KDM2B: variants seen among roughly 807,000 people sequenced by gnomAD.
KDM2B encodes the protein lysine demethylase 2B.
A neutral mutation model predicts 150.0 loss-of-function variants in KDM2B; 26 were observed. The observed-to-expected ratio is 0.17, with a 90% CI of 0.13 to 0.24. The LOEUF (loss-of-function observed/expected upper bound fraction) is 0.24, where lower values mean the gene tolerates loss of function less well. KDM2B is among the 10% of genes least tolerant of loss of function. KDM2B has a pLI of 1.00. For missense variants in KDM2B, 1,265 were observed against 1,816.9 expected (o/e 0.70, Z 5.52); for synonymous variants, 734 against 729.5 (o/e 1.01, Z -0.10).
intron 6 of KDM2B, among the ~76,000 whole-genome samples, 184 bp downstream of exon 6, chr12:121,548,693 C>A (rs148764970): frequency 6.6e-6 from 1 of 152,206 alleles, no homozygotes; most frequent in Non-Finnish European, 1.5e-5. Flanking sequence ...AACCTGCACA[C>A]GCGAAGGACC....
the KDM2B span, among the ~76,000 whole-genome samples, chr12:121,419,396 C>T: frequency 4.4e-4 from 67 of 152,340 alleles, no homozygotes; most frequent in South Asian, 1.0e-3. Flanking sequence ...CGTCAAGCAA[C>T]ACATACTGTA....
At position 121,465,812 on chromosome 12, in the gene KDM2B, T is replaced by G. The variant is rs75931430; in HGVS notation, c.1735-12468A>C. Reference sequence around the variant, plus strand: ...CAGAAATGGCAAACTGTCGCAGGATTAAGTAGACTCCAAACTGAAATGAAA... The same window carrying G: ...CAGAAATGGCAAACTGTCGCAGGATGAAGTAGACTCCAAACTGAAATGAAA... On this transcript the variant is annotated intron_variant, in intron 12 of 22. Transcript: ENST00000377071. 4.4e-3 allele frequency among the ~76,000 whole-genome samples: 663 copies of G among 152,298 alleles called. 5 individuals carry two copies. The highest frequency in any genetic ancestry group is 0.015 in the African/African-American group (620 of 41,564).
At chr12:121,472,945 G>C (rs1880925654) in intron 12 of KDM2B, among the ~76,000 whole-genome samples, 1 of 151,820 alleles carries the variant, frequency 6.6e-6, no homozygotes, top group Admixed American at 6.6e-5. Context: ...TTTATAACAA[G>C]ATAAAATCTC....
the KDM2B span, chr12:121,420,819 T>G: frequency 6.7e-7 from 1 of 1,493,880 alleles, no homozygotes; most frequent in Non-Finnish European, 9.3e-7. Context: ...GTATTTTTCC[T>G]TAGGCTTTTA....
At chr12:121,426,644 T>A (rs923487590), downstream of KDM2B, among the ~76,000 whole-genome samples, 41 of 126,294 alleles carry the variant, frequency 3.2e-4, no homozygotes, top group African/African-American at 5.5e-4. Flanking sequence ...TTTTTTTTTT[T>A]AGACAGAGTC....
intron 6 of KDM2B, among the ~76,000 whole-genome samples, chr12:121,544,368 T>C (rs1268977551): frequency 6.6e-6 from 1 of 152,134 alleles, no homozygotes; most frequent in Non-Finnish European, 1.5e-5. Flanking sequence ...CCCTGCACTT[T>C]GGGAAGCCAA....
At chr12:121,428,051 C>A (rs782500378), downstream of KDM2B, among the ~76,000 whole-genome samples, 9 of 152,168 alleles carry the variant, frequency 5.9e-5, no homozygotes, top group Non-Finnish European at 1.2e-4. Flanking sequence ...ATCAGGCTTA[C>A]AAAAGAAAGT....
At chr12:121,530,573 C>T (rs1201291296) in intron 8 of KDM2B, among the ~76,000 whole-genome samples, 1 of 134,770 alleles carries the variant, frequency 7.4e-6, no homozygotes, top group African/African-American at 2.7e-5. Flanking sequence ...CAAATTCCAA[C>T]TGTCCCTTTT....
intron 19 of KDM2B, 54 bp from the exon 20 acceptor site, chr12:121,441,287 GC>G: frequency 1.9e-6 from 3 of 1,562,670 alleles, no homozygotes; most frequent in South Asian, 2.3e-5. Flanking sequence ...CCTCTAGGGA[GC>G]CCACACACAG....
the KDM2B span, among the ~76,000 whole-genome samples, chr12:121,412,891 A>C: frequency 8.8e-5 from 13 of 147,908 alleles, no homozygotes; most frequent in Admixed American, 4.7e-4. Context: ...CTATTTTTGT[A>C]TTTTTAGTAG....
In KDM2B at chr12:121,543,522, T is replaced by A. The variant is rs116567010; in HGVS notation, c.683+5355A>T. Among the ~76,000 whole-genome samples, 1,250 of 151,550 alleles carry A rather than the reference T, an allele frequency of 8.2e-3. 7 individuals are homozygous for A. The highest frequency in any genetic ancestry group is 0.015 in the Admixed American group (225 of 15,162). On this transcript the variant is annotated intron_variant, in intron 6 of 22. Coordinates refer to ENST00000377071, the MANE Select transcript of KDM2B (RefSeq NM_032590.5). Reference sequence around the variant, plus strand: ...CCATCTCTACAAATTTAAAAAAAAATTTTTTAATTTTTAAAAAGATCAGCC... The same window carrying A: ...CCATCTCTACAAATTTAAAAAAAAAATTTTTAATTTTTAAAAAGATCAGCC...
At position 121,549,556 on chromosome 12, in the gene KDM2B, G is replaced by A. The variant is rs782376095; in HGVS notation, c.480C>T (p.Tyr160=). 1.6e-5 allele frequency: 26 copies of A among 1,613,482 alleles called. No homozygotes were observed. The highest frequency in any genetic ancestry group is 3.3e-4 in the Middle Eastern group (2 of 6,080). The change falls in exon 5 of 23, where the codon TAC becomes TAT. Residue 160 remains tyrosine, a synonymous_variant. Coordinates refer to ENST00000377071, the MANE Select transcript of KDM2B (RefSeq NM_032590.5). The surrounding 1 kb of genome is among the most constrained non-coding windows in gnomAD (Gnocchi z 4.4). ...EMSMSQFVRY[Y]ETPEAQRDKL... Reference sequence around the variant, plus strand: ...TGTCCCGCTGGGCCTCGGGCGTCTCGTAGTAACGCACAAACTGGGACATGC... The same window carrying A: ...TGTCCCGCTGGGCCTCGGGCGTCTCATAGTAACGCACAAACTGGGACATGC...
intron 12 of KDM2B, among the ~76,000 whole-genome samples, chr12:121,466,929 C>G (rs1880067086): frequency 6.8e-6 from 1 of 147,578 alleles, no homozygotes; most frequent in Non-Finnish European, 1.5e-5. Context: ...CCGATGGCCC[C>G]CAGTGCGCTC....
At position 121,442,660 on chromosome 12, in the gene KDM2B, C is replaced by G; in HGVS notation, c.2781G>C (p.Pro927=). The G allele has an allele frequency of 6.2e-7, 1 of 1,605,356 alleles. No individual in the cohort carries two copies. Among genetic ancestry groups the G allele is most frequent in the Non-Finnish European group, 8.5e-7 (1 of 1,177,762 alleles). The part of the protein sequence containing the change: ...AGPSTEGAEG[P]EEKKKVKMRR... ...GCATCTTCACCTTCTTCTTCTCCTC[C>G]GGGCCCTCGGCCCCTTCGGTGCTGG... The change falls in exon 19 of 23, where the codon CCG becomes CCC. Residue 927 remains proline, a synonymous_variant. Coordinates refer to ENST00000377071, the MANE Select transcript of KDM2B (RefSeq NM_032590.5). This position sits in a 1 kb window ranked among gnomAD's most constrained non-coding sequence, Gnocchi z 7.7.
At chr12:121,568,058 A>G (rs2136387680) in intron 4 of KDM2B, among the ~76,000 whole-genome samples, 1 of 152,156 alleles carries the variant, frequency 6.6e-6, no homozygotes, top group East Asian at 1.9e-4. Flanking sequence ...TGAAGCCCCC[A>G]TCTGTGGTAC....
At chr12:121,546,095 A>G (rs1212253534) in intron 6 of KDM2B, among the ~76,000 whole-genome samples, 1 of 152,064 alleles carries the variant, frequency 6.6e-6, no homozygotes, top group Non-Finnish European at 1.5e-5. Flanking sequence ...TATTTCTGTG[A>G]TTACTGGATT....
chr12:121,510,126 T>G, intron 10 of KDM2B, 87 bp from the exon 11 acceptor site: 1 of 1,156,938 alleles, frequency 8.6e-7, no homozygotes, highest in Non-Finnish European at 1.2e-6. Flanking sequence ...AAAAGTCCCC[T>G]TTACTCCAGA....
At chr12:121,524,942 A>C in intron 8 of KDM2B, 1 of 253,368 alleles carries the variant, frequency 3.9e-6, no homozygotes, top group African/African-American at 2.2e-5. Flanking sequence ...GCTCACCCAC[A>C]ACCTGAGCGT....
At chr12:121,531,540 C>A (rs918709732) in intron 8 of KDM2B, among the ~76,000 whole-genome samples, 3 of 152,214 alleles carry the variant, frequency 2.0e-5, no homozygotes, top group Admixed American at 6.5e-5. Context: ...TCCATATCTA[C>A]TTTCTACTTG....
Sources: allele counts gnomAD v4.1 joint callset (sites outside exome capture counted in the v4.1 genomes callset), GRCh38; gene constraint gnomAD v4.1.1; non-coding constraint Gnocchi (gnomAD v3.1); transcripts MANE v1.5; gene names NCBI Gene and HGNC (gene_info 2026-07-23, HGNC 2026-07-21).